GLI3: variants seen among roughly 807,000 people sequenced by gnomAD.
GLI3 encodes the protein transcription activator GLI3.
In GLI3, 20 loss-of-function variants were observed where a neutral mutation model predicts 100.8. The ratio of observed to expected loss-of-function variants is 0.20; its 90% confidence interval spans 0.14 to 0.29. GLI3 has a LOEUF of 0.29. Ranked by LOEUF, GLI3 falls within the 10% of genes least tolerant of loss-of-function variation. The pLI is 1.00. For synonymous variants in GLI3, 938 were observed against 860.5 expected (o/e 1.09, Z -1.58); for missense variants, 2,040 against 2,128.5 (o/e 0.96, Z 0.82).
chr7:42,047,810 G>A (rs1784274556), intron 5 of GLI3, among the ~76,000 whole-genome samples: 1 of 152,174 alleles, frequency 6.6e-6, no homozygotes. Context: ...ATGTGGCATG[G>A]TCAAGAATAG....
intron 10 of GLI3, among the ~76,000 whole-genome samples, chr7:41,985,686 C>T (rs1787800865): frequency 6.6e-6 from 1 of 152,154 alleles, no homozygotes; most frequent in Non-Finnish European, 1.5e-5. Flanking sequence ...AAGGTCTATA[C>T]CCTCCAGTTT....
At chr7:42,097,056 T>C (rs779515942) in intron 3 of GLI3, among the ~76,000 whole-genome samples, 1 of 152,078 alleles carries the variant, frequency 6.6e-6, no homozygotes, top group Non-Finnish European at 1.5e-5. Context: ...AGACTAGGCA[T>C]GCAGTGGGAA....
chr7:42,214,234 G>A (rs2128698845), intron 2 of GLI3, among the ~76,000 whole-genome samples: 1 of 152,288 alleles, frequency 6.6e-6, no homozygotes. Flanking sequence ...AGAATCAAGA[G>A]ACTTTCTGGT....
chr7:42,031,160 T>A (rs1372745478), intron 7 of GLI3, among the ~76,000 whole-genome samples: 1 of 152,266 alleles, frequency 6.6e-6, no homozygotes, highest in African/African-American at 2.4e-5. Flanking sequence ...TCACCAGAAA[T>A]TAATTTTACA....
Position 41,964,680 on chromosome 7 carries a change from C to A in GLI3, c.4393G>T (p.Ala1465Ser). ...TKAGSFSISD[A>S]SCLLQGTSAK... Reference sequence around the variant, plus strand: ...CTGGTCCCCTGTAGCAGGCAGCTGGCGTCTGAAATAGAGAATGAACCAGCT... The same window carrying A: ...CTGGTCCCCTGTAGCAGGCAGCTGGAGTCTGAAATAGAGAATGAACCAGCT... The change falls in exon 15 of 15, where the codon GCC (alanine) becomes TCC (serine). Residue 1465 changes from alanine to serine, a missense_variant. This residue lies in a region of GLI3 where 1,041 missense variants were observed against 924.0 expected (regional missense o/e 1.13). Coordinates refer to ENST00000395925, the MANE Select transcript of GLI3 (RefSeq NM_000168.6). 1 of 1,614,056 alleles carries A rather than the reference C, an allele frequency of 6.2e-7. No individual in the cohort carries two copies. The highest frequency in any genetic ancestry group is 2.2e-5 in the East Asian group (1 of 44,880).
intron 3 of GLI3, among the ~76,000 whole-genome samples, chr7:42,134,664 A>C (rs554376456): frequency 2.4e-4 from 37 of 152,266 alleles, no homozygotes; most frequent in Non-Finnish European, 4.0e-4. Context: ...CACCCTCAGA[A>C]TATGACAGCA....
In GLI3 at chr7:42,109,767, G is replaced by A. The variant is rs560360567; in HGVS notation, c.368-32910C>T. ...AAGACAAATTCCATACCCTGGAACT[G>A]GACATCTTCCTGGCAGAGGGAAACA... On this transcript the variant is annotated intron_variant, in intron 3 of 14. Transcript: ENST00000395925. 4.5e-4 allele frequency among the ~76,000 whole-genome samples: 69 copies of A among 152,258 alleles called. 1 individual carries two copies. The Middle Eastern group carries it at 0.024, about 53-fold the overall frequency.
Position 41,966,472 on chromosome 7 carries a change from G to T in GLI3, c.2601C>A (p.Ile867=). ...AYLSSRRSSG[I]SPCFSSRRSS... is the part of the protein sequence containing the mutation. ...AGCGGCGGCTGGAGAAGCAGGGCGA[G>T]ATCCCTGAGGAGCGGCGGCTGCTCA... The change falls in exon 15 of 15, where the codon ATC becomes ATA. Residue 867 remains isoleucine, a synonymous_variant. Transcript: ENST00000395925. The surrounding 1 kb of genome is among the most constrained non-coding windows in gnomAD (Gnocchi z 5.8). 5 of 1,613,242 alleles carry T rather than the reference G, an allele frequency of 3.1e-6. No individual in the cohort carries two copies. Among genetic ancestry groups the T allele is most frequent in the Non-Finnish European group, 4.2e-6 (5 of 1,179,866 alleles).
chr7:42,252,135 C>G (rs1789039164), intron 1 of GLI3, among the ~76,000 whole-genome samples: 1 of 151,874 alleles, frequency 6.6e-6, no homozygotes, highest in Non-Finnish European at 1.5e-5. Context: ...AAACGTGGTA[C>G]ATATACACTA....
At position 41,963,510 on chromosome 7, in the gene GLI3, TTCTC is replaced by T. The variant is rs1448353316; in HGVS notation, c.*816_*819del. 2.6e-5 allele frequency: 4 copies of T among 152,210 alleles called. No homozygotes were observed. The highest frequency in any genetic ancestry group is 4.8e-5 in the African/African-American group (2 of 41,434). The allele number at this position is 152,210 out of a possible 1,614,324, so 9.4% of individuals were successfully genotyped here. On this transcript the variant is annotated 3_prime_UTR_variant, in exon 15 of 15. Transcript: ENST00000395925. ...CTGAGTGTCACCAACTGTCCGTCCC[TTCTC>T]TCTAACTGCAGTGCGAAACAGCACT...
At chr7:42,031,039 T>C (rs1789279830) in intron 7 of GLI3, among the ~76,000 whole-genome samples, 1 of 152,056 alleles carries the variant, frequency 6.6e-6, no homozygotes, top group Non-Finnish European at 1.5e-5. Flanking sequence ...TTGTTAATAA[T>C]CTCTTATACC....
intron 4 of GLI3, among the ~76,000 whole-genome samples, chr7:42,055,229 C>G (rs1236418907): frequency 6.6e-6 from 1 of 151,748 alleles, no homozygotes; most frequent in Non-Finnish European, 1.5e-5. Flanking sequence ...CAATCCTATA[C>G]TTTTTTTTCC....
At chr7:42,245,555 C>G (rs1423354059) in intron 1 of GLI3, among the ~76,000 whole-genome samples, 1 of 152,026 alleles carries the variant, frequency 6.6e-6, no homozygotes, top group East Asian at 1.9e-4. Context: ...GTGGCAAGCA[C>G]CTTTAGTCCC....
chr7:42,090,159 T>C (rs1785187494), intron 3 of GLI3, among the ~76,000 whole-genome samples: 1 of 152,246 alleles, frequency 6.6e-6, no homozygotes, highest in South Asian at 2.1e-4. Context: ...TACACCTATA[T>C]AGAGCACTTA....
At chr7:42,245,634 TCACACCAC>T (rs1445061883) in intron 1 of GLI3, among the ~76,000 whole-genome samples, 1 of 151,900 alleles carries the variant, frequency 6.6e-6, no homozygotes, top group African/African-American at 2.4e-5. Context: ...TGAGCTGAGG[TCACACCAC>T]TGCACTCCAG....
intron 4 of GLI3, among the ~76,000 whole-genome samples, chr7:42,073,690 C>T (rs1401892586): frequency 6.6e-6 from 1 of 152,150 alleles, no homozygotes; most frequent in Non-Finnish European, 1.5e-5. Flanking sequence ...GTCGGCATTT[C>T]CATCAACACA....
chr7:42,041,419 C>T (rs574437572), intron 6 of GLI3, among the ~76,000 whole-genome samples: 2 of 152,274 alleles, frequency 1.3e-5, no homozygotes, highest in African/African-American at 4.8e-5. Context: ...CCCACAGGTC[C>T]ATTCTGCCTT....
intron 10 of GLI3, among the ~76,000 whole-genome samples, chr7:41,979,542 G>A (rs1787600814): frequency 6.6e-6 from 1 of 152,082 alleles, no homozygotes; most frequent in African/African-American, 2.4e-5. Flanking sequence ...TTAATTTCTT[G>A]GATTAATACA....
At chr7:42,022,466 C>T (rs1031769695) in intron 10 of GLI3, among the ~76,000 whole-genome samples, 1 of 151,834 alleles carries the variant, frequency 6.6e-6, no homozygotes, top group Non-Finnish European at 1.5e-5. Context: ...AAAGAATGTA[C>T]CACGAAAGAG....
Sources: gnomAD v4.1 joint callset for allele counts (sites outside exome capture counted in the v4.1 genomes callset) on GRCh38, gnomAD v4.1.1 for gene constraint, gnomAD v4.1.1 regional missense constraint, Gnocchi (gnomAD v3.1) non-coding constraint, MANE v1.5 for transcripts, NCBI Gene and HGNC (gene_info 2026-07-23, HGNC 2026-07-21) for gene names.